The following PTPRD variants were observed in gnomAD, a reference collection of about 807,000 sequenced individuals.
The protein encoded by PTPRD is protein tyrosine phosphatase receptor type D.
In PTPRD, 34 loss-of-function variants were observed where a neutral mutation model predicts 214.5. That is an observed-to-expected ratio of 0.16 (90% CI 0.12 to 0.21). PTPRD has a LOEUF of 0.21. Ranked by LOEUF, PTPRD falls within the 10% of genes least tolerant of loss-of-function variation. The pLI is 1.00. For synonymous variants in PTPRD, 1,128 were observed against 845.7 expected (o/e 1.33, Z -5.79); for missense variants, 2,545 against 2,398.7 (o/e 1.06, Z -1.27).
chr9:9,321,202 A>C (rs920412471), intron 9 of PTPRD, among the ~76,000 whole-genome samples: 1 of 152,178 alleles, frequency 6.6e-6, no homozygotes, highest in African/African-American at 2.4e-5. Context: ...TATGTGGTAC[A>C]TATACTATTT....
At chr9:10,020,369 T>C (rs1589089335) in intron 4 of PTPRD, among the ~76,000 whole-genome samples, 1 of 149,928 alleles carries the variant, frequency 6.7e-6, no homozygotes, top group Admixed American at 6.7e-5. Flanking sequence ...TGGCATGATC[T>C]CGGCTCACTG....
intron 12 of PTPRD, among the ~76,000 whole-genome samples, chr9:8,675,796 G>A (rs1175421224): frequency 6.6e-6 from 1 of 151,990 alleles, no homozygotes. Flanking sequence ...CTACAACCAG[G>A]GCAATTTTAG....
At chr9:10,348,128 A>G (rs2097121638) in intron 2 of PTPRD, among the ~76,000 whole-genome samples, 1 of 152,128 alleles carries the variant, frequency 6.6e-6, no homozygotes, top group Non-Finnish European at 1.5e-5. Context: ...ACTAAATCTT[A>G]TTTTATGTCA....
chr9:8,681,985 A>T (rs1377075330), intron 12 of PTPRD, among the ~76,000 whole-genome samples: 3 of 152,208 alleles, frequency 2.0e-5, no homozygotes, highest in Non-Finnish European at 4.4e-5. Flanking sequence ...TTCTACAAAC[A>T]TTTCCCACAA....
At chr9:8,611,120 T>C (rs2095430739) in intron 14 of PTPRD, among the ~76,000 whole-genome samples, 1 of 152,186 alleles carries the variant, frequency 6.6e-6, no homozygotes, top group African/African-American at 2.4e-5. Flanking sequence ...ATCACTAAAA[T>C]AGATGTAATT....
intron 5 of PTPRD, among the ~76,000 whole-genome samples, chr9:9,828,467 C>A (rs2053718252): frequency 6.6e-6 from 1 of 152,000 alleles, no homozygotes; most frequent in Non-Finnish European, 1.5e-5. Flanking sequence ...CACATGGACA[C>A]AGGAAGGGGA....
intron 3 of PTPRD, among the ~76,000 whole-genome samples, chr9:10,128,637 C>A (rs1312779499): frequency 9.2e-5 from 14 of 152,124 alleles, no homozygotes; most frequent in African/African-American, 2.4e-4. Context: ...GCAGTTCTGG[C>A]AAACTAATAG....
At chr9:9,708,035 C>T (rs920478829) in intron 7 of PTPRD, among the ~76,000 whole-genome samples, 2 of 152,032 alleles carry the variant, frequency 1.3e-5, no homozygotes, top group African/African-American at 2.4e-5. Flanking sequence ...TAAAGACTTG[C>T]TGTAAGCCAA....
chr9:10,097,627 G>A (rs949909963), intron 3 of PTPRD, among the ~76,000 whole-genome samples: 7 of 151,708 alleles, frequency 4.6e-5, no homozygotes, highest in East Asian at 3.9e-4. Context: ...ATCAGCTTAA[G>A]GAGATTTTGG....
In PTPRD at chr9:9,701,020, A is replaced by C. The variant is rs143737888; in HGVS notation, c.-287+33513T>G. ...CCCCTAGAAGTCAGAAAAGCTTTCTAAACACTTCATCCTGAGATTAAAAAA... is the reference window on the plus strand; with the variant it reads ...CCCCTAGAAGTCAGAAAAGCTTTCTCAACACTTCATCCTGAGATTAAAAAA... On this transcript the variant is annotated intron_variant, in intron 7 of 45. Transcript: ENST00000381196. Among the ~76,000 whole-genome samples the C allele has an allele frequency of 3.0e-3, 458 of 152,040 alleles. 5 individuals are homozygous for C. Among genetic ancestry groups the C allele is most frequent in the African/African-American group, 0.01 (421 of 41,442 alleles).
At position 9,659,874 on chromosome 9, in the gene PTPRD, G is replaced by T. The variant is rs116738673; in HGVS notation, c.-287+74659C>A. ...GAATAACCTATTCTACTTTGGAGAT[G>T]AGGATACCTAAAATAAGTTTTCAAG... is the stretch of plus-strand genomic sequence containing the variant. On this transcript the variant is annotated intron_variant, in intron 7 of 45. Coordinates refer to ENST00000381196, the MANE Select transcript of PTPRD (RefSeq NM_002839.4). 3.6e-3 allele frequency among the ~76,000 whole-genome samples: 547 copies of T among 152,090 alleles called. 2 individuals carry two copies. The highest frequency in any genetic ancestry group is 0.012 in the African/African-American group (518 of 41,524).
chr9:10,300,821 G>A (rs1476704731), intron 3 of PTPRD, among the ~76,000 whole-genome samples: 5 of 152,216 alleles, frequency 3.3e-5, no homozygotes, highest in East Asian at 1.9e-4. Context: ...TGGGGGAAGG[G>A]GCGGCTGTGG....
chr9:9,724,737 A>G (rs922588843), intron 7 of PTPRD, among the ~76,000 whole-genome samples: 4 of 152,178 alleles, frequency 2.6e-5, no homozygotes, highest in African/African-American at 9.6e-5. Flanking sequence ...GTTGCATGTA[A>G]TATCTTTACA....
intron 4 of PTPRD, among the ~76,000 whole-genome samples, chr9:10,010,905 A>T (rs2096585208): frequency 6.6e-6 from 1 of 151,944 alleles, no homozygotes; most frequent in Non-Finnish European, 1.5e-5. Flanking sequence ...AAAAAAATCT[A>T]GGTAACATTT....
intron 2 of PTPRD, among the ~76,000 whole-genome samples, chr9:10,464,199 A>G (rs1219586514): frequency 6.6e-6 from 1 of 152,130 alleles, no homozygotes; most frequent in Admixed American, 6.6e-5. Flanking sequence ...GGAGTTTCAG[A>G]CCAGCCTGAC....
intron 8 of PTPRD, among the ~76,000 whole-genome samples, chr9:9,519,856 A>G (rs1439344229): frequency 6.6e-6 from 1 of 152,204 alleles, no homozygotes; most frequent in South Asian, 2.1e-4. Flanking sequence ...AGTTGATCCC[A>G]TAATTTATGA....
chr9:10,017,180 C>T (rs564096284), intron 4 of PTPRD, among the ~76,000 whole-genome samples: 32 of 152,170 alleles, frequency 2.1e-4, no homozygotes, highest in African/African-American at 7.2e-4. Context: ...TGGTGGACAT[C>T]GAATATTAAT....
chr9:10,150,322 T>C (rs1446743447), intron 3 of PTPRD, among the ~76,000 whole-genome samples: 1 of 152,146 alleles, frequency 6.6e-6, no homozygotes, highest in Admixed American at 6.6e-5. Context: ...CACGGAATAC[T>C]ATGCAGCCAT....
chr9:9,839,437 G>A (rs192957750), intron 5 of PTPRD, among the ~76,000 whole-genome samples: 2 of 152,070 alleles, frequency 1.3e-5, no homozygotes, highest in Non-Finnish European at 2.9e-5. Flanking sequence ...AATCATGAGG[G>A]AACTCCCATT....
Sources: gnomAD v4.1 joint callset for allele counts (sites outside exome capture counted in the v4.1 genomes callset) on GRCh38, gnomAD v4.1.1 for gene constraint, MANE v1.5 for transcripts, NCBI Gene and HGNC (gene_info 2026-07-23, HGNC 2026-07-21) for gene names.